The following DHX8 variants were observed in gnomAD, a reference collection of about 807,000 sequenced individuals.
DHX8 encodes the protein ATP-dependent RNA helicase DHX8.
In DHX8, 67 loss-of-function variants were observed where a neutral mutation model predicts 140.7. The ratio of observed to expected loss-of-function variants is 0.48; its 90% CI spans 0.39 to 0.58. DHX8 has a LOEUF of 0.58. Ranked by LOEUF, DHX8 falls within the 20% of genes least tolerant of loss-of-function variation. The pLI, the probability that DHX8 is intolerant of heterozygous loss-of-function variation, is 0.00. For missense variants in DHX8, 887 were observed against 1,550.7 expected (o/e 0.57, Z 7.19); for synonymous variants, 533 against 553.2 (o/e 0.96, Z 0.51).
At chr17:43,510,609 T>G (rs1303083947) in intron 16 of DHX8, among the ~76,000 whole-genome samples, 1 of 152,222 alleles carries the variant, frequency 6.6e-6, no homozygotes, top group Non-Finnish European at 1.5e-5. Context: ...ATTGTTGAAT[T>G]TTTTTCCTCA....
At chr17:43,496,383 C>T (rs374168245) in intron 9 of DHX8, 115 bp downstream of exon 9, 2 of 663,282 alleles carry the variant, frequency 3.0e-6, no homozygotes, top group East Asian at 2.8e-5. Context: ...GATCTCACTA[C>T]TCATCTCTCA....
chr17:43,495,756 A>G (rs1968820551), intron 8 of DHX8, among the ~76,000 whole-genome samples: 1 of 152,104 alleles, frequency 6.6e-6, no homozygotes, highest in Non-Finnish European at 1.5e-5. Context: ...GTCAGAGGAG[A>G]AAAAAACTGG....
Position 43,517,072 on chromosome 17 carries a change from C to A in DHX8, c.2644-95C>A, listed in dbSNP as rs530942629. On this transcript the variant is annotated intron_variant, in intron 17 of 22. Transcript: ENST00000262415. ...AAATCAACCCCATTTCTGATTTTGC[C>A]AGTTGTTAATTGTCCCCCTTTTAAC... 5 of 1,322,932 alleles carry A rather than the reference C, an allele frequency of 3.8e-6. No homozygotes were observed. In the Admixed American group the frequency reaches 1.2e-4, roughly 31 times the overall value. The allele number at this position is 1,322,932 out of a possible 1,614,324, so 81.9% of individuals were successfully genotyped here.
intron 11 of DHX8, among the ~76,000 whole-genome samples, chr17:43,501,102 C>T (rs545279172): frequency 1.4e-4 from 21 of 152,016 alleles, no homozygotes; most frequent in South Asian, 1.2e-3. Flanking sequence ...ACAACTTAGT[C>T]GGGGATATGG....
At chr17:43,507,450 T>C in intron 13 of DHX8, 53 bp from the exon 14 acceptor site, 3 of 1,530,530 alleles carry the variant, frequency 2.0e-6, no homozygotes, top group African/African-American at 1.4e-5. Flanking sequence ...TGCCTGGTGA[T>C]TGGGAAAAGG....
intron 21 of DHX8, 70 bp from the exon 22 acceptor site, chr17:43,521,977 G>A: frequency 1.3e-6 from 2 of 1,528,360 alleles, no homozygotes; most frequent in South Asian, 1.2e-5. Context: ...TGGATGTGTT[G>A]GGCACTGTCA....
chr17:43,493,294 G>T, intron 6 of DHX8, 151 bp from the exon 7 acceptor site: 1 of 1,162,278 alleles, frequency 8.6e-7, no homozygotes, highest in Non-Finnish European at 1.2e-6. Context: ...CATGAGGAGA[G>T]TGTTAATACT....
intron 1 of DHX8, 93 bp from the exon 2 acceptor site, chr17:43,489,356 G>A (rs1350682105): frequency 1.2e-6 from 1 of 855,702 alleles, no homozygotes; most frequent in East Asian, 2.5e-5. Flanking sequence ...TTTTATTACT[G>A]TTGGATAACC....
Position 43,501,914 on chromosome 17 carries a change from G to A in DHX8, c.1546+1811G>A, listed in dbSNP as rs1229219110. Among the ~76,000 whole-genome samples, 3 of 152,200 alleles carry A rather than the reference G, an allele frequency of 2.0e-5. No individual in the cohort carries two copies. In the East Asian group the frequency reaches 5.8e-4, roughly 29 times the overall value. On this transcript the variant is annotated intron_variant, in intron 11 of 22. Transcript: ENST00000262415. Reference sequence around the variant, plus strand: ...ATGATTTAGAAAGCTTTTATGAAGAGAGAGAATGGTGGCTTGAACATGGAG... The same window carrying A: ...ATGATTTAGAAAGCTTTTATGAAGAAAGAGAATGGTGGCTTGAACATGGAG...
downstream of DHX8, chr17:43,526,030 G>A (rs113856903): frequency 8.1e-6 from 8 of 985,408 alleles, no homozygotes; most frequent in African/African-American, 5.2e-5. Context: ...CTCTACGCTA[G>A]AGCTGAGGTC....
downstream of DHX8, chr17:43,526,465 C>T (rs772748636): frequency 1.4e-5 from 22 of 1,535,100 alleles, no homozygotes; most frequent in South Asian, 1.1e-4. Flanking sequence ...CCCGCCTGGA[C>T]GTGATTTGGC....
At chr17:43,494,415 G>A (rs1000920326) in intron 8 of DHX8, among the ~76,000 whole-genome samples, 1 of 152,082 alleles carries the variant, frequency 6.6e-6, no homozygotes, top group Non-Finnish European at 1.5e-5. Flanking sequence ...TGTTGGTGGT[G>A]TGAGGATTAA....
At chr17:43,511,114 G>A (rs1969799980) in intron 16 of DHX8, among the ~76,000 whole-genome samples, 1 of 152,114 alleles carries the variant, frequency 6.6e-6, no homozygotes, top group South Asian at 2.1e-4. Context: ...TGGATCACCT[G>A]AGGTCAGGAG....
chr17:43,543,391 G>C (rs543047271), intron 3 of DHX8, among the ~76,000 whole-genome samples: 11 of 152,182 alleles, frequency 7.2e-5, no homozygotes, highest in African/African-American at 2.4e-4. Context: ...CCAAGGTAGA[G>C]AGATGAGAGC....
At chr17:43,508,580 G>C (rs1315562977) in intron 16 of DHX8, 60 bp downstream of exon 16, 7 of 1,178,374 alleles carry the variant, frequency 5.9e-6, no homozygotes, top group South Asian at 1.4e-5. Flanking sequence ...TGTGCAGCCT[G>C]TCAGCCATAG....
In DHX8 at chr17:43,496,175, G is replaced by A. The variant is rs371828349; in HGVS notation, c.1213-6G>A. 2 of 1,611,400 alleles carry A rather than the reference G, an allele frequency of 1.2e-6. No homozygotes were observed. Among genetic ancestry groups the A allele is most frequent in the Non-Finnish European group, 1.7e-6 (2 of 1,178,182 alleles). On this transcript the variant is annotated splice_region_variant and splice_polypyrimidine_tract_variant and intron_variant, in intron 8 of 22. Coordinates refer to ENST00000262415, the MANE Select transcript of DHX8 (RefSeq NM_004941.3). ...TTACAAATGCTGCCTTCTCTTCTTT[G>A]GCTAGATGATTGCTGCCAATGTCCT...
Position 43,523,610 on chromosome 17 carries a change from A to G in DHX8, c.3444-18A>G, listed in dbSNP as rs201584962. Reference sequence around the variant, plus strand: ...GCCTATATCCAGAGGCTTGAGTACTATCTCTGTCCCCCCTCAGGGTGGTGT... The same window carrying G: ...GCCTATATCCAGAGGCTTGAGTACTGTCTCTGTCCCCCCTCAGGGTGGTGT... On this transcript the variant is annotated intron_variant, in intron 22 of 22. Coordinates refer to ENST00000262415, the MANE Select transcript of DHX8 (RefSeq NM_004941.3). 100 of 1,613,724 alleles carry G rather than the reference A, an allele frequency of 6.2e-5. No individual in the cohort carries two copies. In the East Asian group the frequency reaches 1.6e-3, roughly 27 times the overall value.
chr17:43,520,964 CTTTTTTTTTTT>C (rs10672223), intron 20 of DHX8, 85 bp downstream of exon 20: 51 of 399,646 alleles, frequency 1.3e-4, no homozygotes, highest in South Asian at 4.6e-4. Flanking sequence ...TTGATGTGGA[CTTTTTTTTTTT>C]TTTTTTTTTT....
At chr17:43,529,879 C>T, downstream of DHX8, 5 of 1,614,164 alleles carry the variant, frequency 3.1e-6, no homozygotes, top group Non-Finnish European at 4.2e-6. Flanking sequence ...AGTCACTTCT[C>T]TGACCTTCAA....
Sources: allele counts gnomAD v4.1 joint callset (sites outside exome capture counted in the v4.1 genomes callset), GRCh38; gene constraint gnomAD v4.1.1; transcripts MANE v1.5; gene names NCBI Gene and HGNC (gene_info 2026-07-23, HGNC 2026-07-21).